TP63: variants seen among roughly 807,000 people sequenced by gnomAD.
TP63 encodes the protein tumor protein p63.
TP63 carries 17 observed loss-of-function variants against 82.8 expected under a neutral mutation model. The ratio of observed to expected loss-of-function variants is 0.21; its 90% CI spans 0.14 to 0.31. The LOEUF (loss-of-function observed/expected upper bound fraction) is 0.31, where lower values mean the gene tolerates loss of function less well. Ranked by LOEUF, TP63 falls within the 10% of genes least tolerant of loss-of-function variation. The probability of loss-of-function intolerance (pLI) is 1.00; values close to 1 mark genes in which losing one functional copy is unlikely to be tolerated. For synonymous variants in TP63, 330 were observed against 321.7 expected (o/e 1.03, Z -0.28); for missense variants, 648 against 895.3 (o/e 0.72, Z 3.52).
the TP63 span, among the ~76,000 whole-genome samples, chr3:189,622,957 AT>A: frequency 6.6e-6 from 1 of 152,158 alleles, no homozygotes; most frequent in East Asian, 1.9e-4. Flanking sequence ...GATTTCTAAG[AT>A]TTTTTTTCTA....
At position 189,851,987 on chromosome 3, in the gene TP63, C is replaced by T. The variant is rs528392538; in HGVS notation, c.580-12245C>T. Among the ~76,000 whole-genome samples, 16 of 151,822 alleles carry T rather than the reference C, an allele frequency of 1.1e-4. No homozygotes were observed. In the East Asian group the frequency reaches 1.4e-3, roughly 13 times the overall value. On this transcript the variant is annotated intron_variant, in intron 4 of 13. Transcript: ENST00000264731. ...GAAGGGCTAAGTAGGAAACAGGGAA[C>T]GGGAGGAAAGGGGACAGGATAAGAG...
intron 3 of TP63, among the ~76,000 whole-genome samples, chr3:189,774,882 G>A: frequency 6.6e-6 from 1 of 152,140 alleles, no homozygotes; most frequent in East Asian, 1.9e-4. Context: ...TCAAGACTTA[G>A]GTACGCGGTT....
At chr3:189,612,828 G>A in the TP63 span, among the ~76,000 whole-genome samples, 133 of 152,336 alleles carry the variant, frequency 8.7e-4, 1 homozygote, top group African/African-American at 2.3e-3. Flanking sequence ...CTCCTGTTAC[G>A]TTTTAGCAAA....
chr3:189,765,433 C>CTGTTT, intron 3 of TP63, among the ~76,000 whole-genome samples: 1 of 30,088 alleles, frequency 3.3e-5, no homozygotes. Flanking sequence ...CTGTCCTCTG[C>CTGTTT]TTTTTTTTTT....
chr3:189,632,358 G>T (rs1283642552), intron 1 of TP63, among the ~76,000 whole-genome samples: 1 of 152,074 alleles, frequency 6.6e-6, no homozygotes, highest in Non-Finnish European at 1.5e-5. Flanking sequence ...AAATGGTGAG[G>T]TTACAAAGGG....
chr3:189,637,334 A>G (rs1481196518), intron 1 of TP63, among the ~76,000 whole-genome samples: 6 of 152,136 alleles, frequency 3.9e-5, no homozygotes, highest in African/African-American at 1.4e-4. Flanking sequence ...CAGTTCTACT[A>G]TTATATTACG....
At chr3:189,845,847 G>A (rs1203948462) in intron 4 of TP63, among the ~76,000 whole-genome samples, 1 of 151,646 alleles carries the variant, frequency 6.6e-6, no homozygotes, top group African/African-American at 2.4e-5. Flanking sequence ...AGATAGCCAT[G>A]TGATTTGAGA....
rs998735346 is a variant in TP63, at chr3:189,649,976, A to G, written c.62+18399A>G. The stretch of plus-strand genomic sequence containing the variant: ...TCTATGCTGTGTAGGAAATAAATGT[A>G]TAGACCAAGTTTAGGGGCTATTGTT... On this transcript the variant is annotated intron_variant, in intron 1 of 13. Transcript: ENST00000264731. 6.8e-5 allele frequency among the ~76,000 whole-genome samples: 10 copies of G among 147,358 alleles called. 3 individuals carry two copies. Among genetic ancestry groups the G allele is most frequent in the Admixed American group, 6.0e-4 (9 of 14,966 alleles).
chr3:189,631,536 G>A lies in TP63; in HGVS notation c.21G>A (p.Arg7=). The A allele has an allele frequency of 1.9e-6, 3 of 1,612,822 alleles. No individual in the cohort carries two copies. In the South Asian group the frequency reaches 3.3e-5, roughly 18 times the overall value. Residue 7 remains arginine, a synonymous_variant, in exon 1 of 14, where the codon CGG becomes CGA. Coordinates refer to ENST00000264731, the MANE Select transcript of TP63 (RefSeq NM_003722.5). ...AGGAAATGAATTTTGAAACTTCACG[G>A]TGTGCCACCCTACAGTACTGCCCTG... MNFETS[R]CATLQYCPDP...
At chr3:189,704,558 T>C (rs1718060004) in intron 1 of TP63, among the ~76,000 whole-genome samples, 1 of 152,228 alleles carries the variant, frequency 6.6e-6, no homozygotes, top group Admixed American at 6.5e-5. Flanking sequence ...CAAAGTTGTA[T>C]GAGAGCAGTT....
chr3:189,793,674 C>T (rs1223338992), intron 3 of TP63, among the ~76,000 whole-genome samples: 3 of 152,034 alleles, frequency 2.0e-5, no homozygotes, highest in Non-Finnish European at 4.4e-5. Flanking sequence ...TAACTTTTCT[C>T]TCCCCTTGAA....
At position 189,771,602 on chromosome 3, in the gene TP63, T is replaced by C. The variant is rs183857243; in HGVS notation, c.324+32828T>C. The stretch of plus-strand genomic sequence containing the variant: ...TTTTCTTTAATTTTCATGATTGCCT[T>C]CCTGTTAATAATGTGACAGACTCTT... On this transcript the variant is annotated intron_variant, in intron 3 of 13. Transcript: ENST00000264731. Among the ~76,000 whole-genome samples the C allele has an allele frequency of 8.0e-5, 12 of 150,642 alleles. No homozygotes were observed. In the Admixed American group the frequency reaches 8.0e-4, roughly 10 times the overall value.
upstream of TP63, among the ~76,000 whole-genome samples, chr3:189,630,342 C>G (rs1729413865): frequency 6.6e-6 from 1 of 151,764 alleles, no homozygotes; most frequent in African/African-American, 2.4e-5. Flanking sequence ...GCTTCTGAAT[C>G]ATATTTCATT....
intron 4 of TP63, among the ~76,000 whole-genome samples, chr3:189,823,088 A>G (rs531217704): frequency 5.0e-4 from 76 of 152,260 alleles, no homozygotes; most frequent in Non-Finnish European, 1.0e-4. Context: ...GATTGACTGC[A>G]ATTGACCTTT....
At chr3:189,805,878 G>T (rs1318401620) in intron 3 of TP63, among the ~76,000 whole-genome samples, 1 of 152,050 alleles carries the variant, frequency 6.6e-6, no homozygotes, top group Non-Finnish European at 1.5e-5. Flanking sequence ...AAAAACCCTG[G>T]CTCAAAACAC....
rs941204631 is a variant in TP63 at position 189,895,999 on chromosome 3, C to T, written c.*1497C>T. 4.4e-6 allele frequency: 1 copy of T among 229,432 alleles called. No individual in the cohort carries two copies. The highest frequency in any genetic ancestry group is 2.2e-5 in the African/African-American group (1 of 45,132). 14.2% of individuals were successfully genotyped at this position (229,432 alleles called of 1,614,324 possible). ...AGAGCAAGAGATAAGTCTTTCATGG[C>T]TGCTGTTGCTTAAACCACTTAAACG... On this transcript the variant is annotated 3_prime_UTR_variant, in exon 14 of 14. Coordinates refer to ENST00000264731, the MANE Select transcript of TP63 (RefSeq NM_003722.5).
intron 4 of TP63, among the ~76,000 whole-genome samples, chr3:189,818,055 A>G (rs1577026743): frequency 6.6e-6 from 1 of 152,004 alleles, no homozygotes; most frequent in South Asian, 2.1e-4. Flanking sequence ...TGGGCTTGAA[A>G]GATATTCCTT....
upstream of TP63, among the ~76,000 whole-genome samples, chr3:189,627,930 A>G (rs1729355947): frequency 6.6e-6 from 1 of 152,114 alleles, no homozygotes. Context: ...TGTGGAAATT[A>G]TTTTTAATCA....
intron 3 of TP63, among the ~76,000 whole-genome samples, chr3:189,779,130 T>G (rs1018646539): frequency 2.6e-5 from 4 of 152,316 alleles, no homozygotes; most frequent in African/African-American, 9.6e-5. Flanking sequence ...ATAGTTTCCC[T>G]TTACTTTTAA....
Sources: allele counts gnomAD v4.1 joint callset (sites outside exome capture counted in the v4.1 genomes callset), GRCh38; gene constraint gnomAD v4.1.1; transcripts MANE v1.5; gene names NCBI Gene and HGNC (gene_info 2026-07-23, HGNC 2026-07-21).